The following FAM135B variants were observed in gnomAD, a reference collection of about 807,000 sequenced individuals.
FAM135B encodes family with sequence similarity 135 member B, also known as protein FAM135B.
Under a neutral mutation model 127.7 loss-of-function variants are expected in FAM135B, and 43 were observed. The observed-to-expected ratio is 0.34, with a 90% confidence interval of 0.26 to 0.43. The LOEUF is 0.43. FAM135B is among the 20% of genes least tolerant of loss of function. FAM135B has a pLI of 1.00. For missense variants in FAM135B, 1,558 were observed against 1,725.6 expected, an observed-to-expected ratio of 0.90 and a Z score of 1.72; for synonymous variants, 670 against 665.1, an observed-to-expected ratio of 1.01 and a Z score of -0.11.
At chr8:138,145,194 T>C (rs1400137891) in intron 15 of FAM135B, among the ~76,000 whole-genome samples, 2 of 152,068 alleles carry the variant, frequency 1.3e-5, no homozygotes, top group African/African-American at 4.8e-5. Context: ...TTTTGTATTT[T>C]TTGGAGAGAA....
At position 138,243,984 on chromosome 8, in the gene FAM135B, T is replaced by A. The variant is rs911724763; in HGVS notation, c.543-916A>T. 8.5e-5 allele frequency among the ~76,000 whole-genome samples: 13 copies of A among 152,334 alleles called. 1 individual carries two copies. Among genetic ancestry groups the A allele is most frequent in the South Asian group, 2.1e-4 (1 of 4,820 alleles). On this transcript the variant is annotated intron_variant, in intron 6 of 19. Coordinates refer to ENST00000395297, the MANE Select transcript of FAM135B (RefSeq NM_015912.4). The surrounding 1 kb of genome is among the most constrained non-coding windows in gnomAD (Gnocchi z 7.5). ...CAATAAATAGCCCCAGGTGACATCA[T>A]CTTCATCATCTTCACTATGGGTGCT...
At chr8:138,272,880 G>A (rs1823495489) in intron 3 of FAM135B, among the ~76,000 whole-genome samples, 1 of 152,144 alleles carries the variant, frequency 6.6e-6, no homozygotes, top group Non-Finnish European at 1.5e-5. Flanking sequence ...AAAGACATGG[G>A]TTTACTCTCA....
At chr8:138,192,592 AAACTCGCTCATCTGGTCTTGTG>A in intron 9 of FAM135B, among the ~76,000 whole-genome samples, 1 of 39,242 alleles carries the variant, frequency 2.5e-5, no homozygotes, top group Non-Finnish European at 6.4e-5. Context: ...CCAGATTGAT[AAACTCGCTCATCTGGTCTTGTG>A]GCCCTCACCC....
intron 1 of FAM135B, among the ~76,000 whole-genome samples, chr8:138,424,649 A>C (rs187825592): frequency 1.3e-5 from 2 of 152,330 alleles, no homozygotes; most frequent in East Asian, 3.9e-4. Flanking sequence ...TGGTTTGTTC[A>C]AGGATCCACA....
intron 2 of FAM135B, among the ~76,000 whole-genome samples, chr8:138,336,704 C>T (rs1563911850): frequency 6.6e-6 from 1 of 152,172 alleles, no homozygotes; most frequent in Non-Finnish European, 1.5e-5. Flanking sequence ...ACCATTCCTT[C>T]TGAAATTATT....
At chr8:138,133,892 T>C (rs1318339212) in intron 19 of FAM135B, among the ~76,000 whole-genome samples, 1 of 152,106 alleles carries the variant, frequency 6.6e-6, no homozygotes, top group Non-Finnish European at 1.5e-5. Flanking sequence ...CCCCCCTTCT[T>C]AGGGTCTTGG....
intron 1 of FAM135B, among the ~76,000 whole-genome samples, chr8:138,474,674 T>G (rs929658564): frequency 3.3e-5 from 5 of 152,368 alleles, no homozygotes; most frequent in African/African-American, 7.2e-5. Context: ...CGACTCTAAC[T>G]AAAGCAGCAA....
chr8:138,474,003 C>A (rs1393811114), intron 1 of FAM135B, among the ~76,000 whole-genome samples: 1 of 152,154 alleles, frequency 6.6e-6, no homozygotes, highest in East Asian at 1.9e-4. Context: ...ACATAAAGAT[C>A]AGCATTCCAT....
At chr8:138,496,239 A>T (rs1815387046) in intron 1 of FAM135B, among the ~76,000 whole-genome samples, 1 of 152,266 alleles carries the variant, frequency 6.6e-6, no homozygotes, top group African/African-American at 2.4e-5. Flanking sequence ...TCCCCAGCCA[A>T]GCCACAGGAA....
chr8:138,472,125 C>T (rs962900677), intron 1 of FAM135B, among the ~76,000 whole-genome samples: 1 of 151,748 alleles, frequency 6.6e-6, no homozygotes, highest in African/African-American at 2.4e-5. Context: ...TGTGCAGGAC[C>T]GAGAGAGAGG....
chr8:138,460,483 C>A (rs550494900), intron 1 of FAM135B, among the ~76,000 whole-genome samples: 1 of 152,198 alleles, frequency 6.6e-6, no homozygotes, highest in South Asian at 2.1e-4. Context: ...TTCACACCAA[C>A]AGGGCCTTCA....
At chr8:138,255,429 G>T (rs903513146) in intron 5 of FAM135B, among the ~76,000 whole-genome samples, 7 of 152,146 alleles carry the variant, frequency 4.6e-5, no homozygotes, top group African/African-American at 1.7e-4. Context: ...GGTCTTCAAG[G>T]GAGATTGCCC....
At chr8:138,449,735 C>T in intron 1 of FAM135B, among the ~76,000 whole-genome samples, 1 of 152,118 alleles carries the variant, frequency 6.6e-6, no homozygotes, top group East Asian at 1.9e-4. Flanking sequence ...CCCCTGTCCC[C>T]ACACATTAGA....
chr8:138,245,643 T>C (rs1283596631), intron 6 of FAM135B, among the ~76,000 whole-genome samples: 3 of 152,318 alleles, frequency 2.0e-5, no homozygotes, highest in East Asian at 3.9e-4. Context: ...CAATCTTGGG[T>C]ATTTCTTCAC....
chr8:138,407,704 T>C (rs1311239571), intron 1 of FAM135B, among the ~76,000 whole-genome samples: 1 of 152,184 alleles, frequency 6.6e-6, no homozygotes, highest in Non-Finnish European at 1.5e-5. Context: ...TGGCTAGCCA[T>C]ATTTAGAAAG....
chr8:138,288,134 C>A (rs987078772), intron 3 of FAM135B, among the ~76,000 whole-genome samples: 2 of 152,130 alleles, frequency 1.3e-5, no homozygotes, highest in Non-Finnish European at 2.9e-5. Flanking sequence ...CATTATAAGA[C>A]CTCGTGCATG....
intron 3 of FAM135B, among the ~76,000 whole-genome samples, chr8:138,269,004 G>C (rs1040823775): frequency 3.3e-5 from 5 of 152,084 alleles, no homozygotes; most frequent in African/African-American, 4.8e-5. Flanking sequence ...AAAAAGAGGA[G>C]GGGAGCAGAG....
chr8:138,169,221 T>G (rs968120187), intron 11 of FAM135B, among the ~76,000 whole-genome samples: 1 of 152,082 alleles, frequency 6.6e-6, no homozygotes, highest in Non-Finnish European at 1.5e-5. Flanking sequence ...TTCAATTGGA[T>G]CTTAACCCAC....
chr8:138,488,814 G>A (rs1458603441), intron 1 of FAM135B, among the ~76,000 whole-genome samples: 3 of 152,006 alleles, frequency 2.0e-5, no homozygotes, highest in South Asian at 2.1e-4. Flanking sequence ...CTACAGGCAC[G>A]CACCACCACA....
Sources: gnomAD v4.1 joint callset for allele counts (sites outside exome capture counted in the v4.1 genomes callset) on GRCh38, gnomAD v4.1.1 for gene constraint, Gnocchi (gnomAD v3.1) non-coding constraint, MANE v1.5 for transcripts, NCBI Gene and HGNC (gene_info 2026-07-23, HGNC 2026-07-21) for gene names.